The following LUZP2 variants were observed in gnomAD, a reference collection of about 807,000 sequenced individuals.
LUZP2 encodes the protein leucine zipper protein 2.
Under a neutral mutation model 51.6 loss-of-function variants are expected in LUZP2, and 52 were observed. That is an observed-to-expected ratio of 1.01 (90% CI 0.81 to 1.27). LUZP2 has a LOEUF of 1.27. Among genes scored for constraint, LUZP2 ranks in the 50% most tolerant of loss-of-function variants. The pLI is 0.00. For synonymous variants in LUZP2, 154 were observed against 137.3 expected, an observed-to-expected ratio of 1.12 and a Z score of -0.85; for missense variants, 436 against 395.4, an observed-to-expected ratio of 1.10 and a Z score of -0.87.
At chr11:24,599,416 G>C (rs754677598) in intron 1 of LUZP2, among the ~76,000 whole-genome samples, 8 of 152,006 alleles carry the variant, frequency 5.3e-5, no homozygotes, top group Non-Finnish European at 1.0e-4. Flanking sequence ...TGCTCAAGTA[G>C]AATTCCTTCA....
chr11:24,857,330 C>CAT lies in LUZP2; in HGVS notation c.397-48651_397-48650dup, dbSNP rs1491020463. 2.9e-3 allele frequency among the ~76,000 whole-genome samples: 201 copies of CAT among 70,390 alleles called. 1 individual carries two copies. The highest frequency in any genetic ancestry group is 9.7e-3 in the African/African-American group (183 of 18,956). The allele number at this position is 70,390 out of a possible 152,430, so 46.2% of individuals were successfully genotyped here. On this transcript the variant is annotated intron_variant, in intron 5 of 11. Coordinates refer to ENST00000336930, the MANE Select transcript of LUZP2 (RefSeq NM_001009909.4). ...ATATATATACACACACACACACACA[C>CAT]ATATATATATAATATATATGTTTTT... is the stretch of plus-strand genomic sequence containing the variant.
intron 1 of LUZP2, among the ~76,000 whole-genome samples, chr11:24,525,306 A>G (rs1044274416): frequency 2.6e-5 from 4 of 151,682 alleles, no homozygotes; most frequent in African/African-American, 9.7e-5. Flanking sequence ...CATTTTGTTT[A>G]CAAAGGTAGA....
At chr11:24,580,115 G>A (rs1053483827) in intron 1 of LUZP2, among the ~76,000 whole-genome samples, 1 of 151,970 alleles carries the variant, frequency 6.6e-6, no homozygotes, top group African/African-American at 2.4e-5. Flanking sequence ...CTGTTTAATA[G>A]GATTAAGATA....
intron 10 of LUZP2, among the ~76,000 whole-genome samples, chr11:25,066,991 G>A (rs560294216): frequency 6.6e-6 from 1 of 152,020 alleles, no homozygotes; most frequent in African/African-American, 2.4e-5. Context: ...ACTACAAAAG[G>A]TATTGTCCTT....
intron 9 of LUZP2, among the ~76,000 whole-genome samples, chr11:25,023,028 A>T (rs1857384850): frequency 1.3e-5 from 2 of 152,082 alleles, no homozygotes; most frequent in Non-Finnish European, 2.9e-5. Context: ...AAACTTTTTG[A>T]TATGCTGCTG....
chr11:24,916,050 T>A (rs1853779961), intron 7 of LUZP2, among the ~76,000 whole-genome samples: 4 of 152,056 alleles, frequency 2.6e-5, no homozygotes, highest in African/African-American at 4.8e-5. Flanking sequence ...ATGCTTGCTG[T>A]CAAAACATTT....
At chr11:24,552,638 A>G (rs950839006) in intron 1 of LUZP2, among the ~76,000 whole-genome samples, 2 of 152,014 alleles carry the variant, frequency 1.3e-5, no homozygotes, top group Non-Finnish European at 2.9e-5. Flanking sequence ...AGCTGGGTAT[A>G]AGAGCAATTC....
intron 9 of LUZP2, among the ~76,000 whole-genome samples, chr11:25,047,397 A>ATG (rs1554960545): frequency 4.5e-5 from 5 of 111,014 alleles, no homozygotes; most frequent in Admixed American, 1.7e-4. Flanking sequence ...ATTTTTTTTA[A>ATG]TTTTTTTTTT....
chr11:25,019,045 G>A (rs1164056902), intron 9 of LUZP2, among the ~76,000 whole-genome samples: 2 of 152,088 alleles, frequency 1.3e-5, no homozygotes, highest in African/African-American at 2.4e-5. Context: ...AACATTTTAC[G>A]CCAGAGTGGC....
intron 4 of LUZP2, among the ~76,000 whole-genome samples, chr11:24,744,181 C>T (rs560806673): frequency 6.6e-6 from 1 of 151,940 alleles, no homozygotes; most frequent in South Asian, 2.1e-4. Flanking sequence ...TTATTTTTGG[C>T]TATGTCCCTT....
intron 10 of LUZP2, among the ~76,000 whole-genome samples, chr11:25,075,247 G>A (rs1283805521): frequency 1.3e-5 from 2 of 152,086 alleles, no homozygotes; most frequent in Non-Finnish European, 2.9e-5. Flanking sequence ...TACTTAAAAA[G>A]TATTTAGAAT....
intron 7 of LUZP2, among the ~76,000 whole-genome samples, chr11:24,971,204 C>A (rs1565175149): frequency 6.6e-6 from 1 of 152,090 alleles, no homozygotes; most frequent in African/African-American, 2.4e-5. Flanking sequence ...ACCATTTTTC[C>A]ACGTACCTGA....
intron 1 of LUZP2, among the ~76,000 whole-genome samples, chr11:24,636,930 A>G (rs1283891528): frequency 8.6e-5 from 13 of 151,836 alleles, no homozygotes; most frequent in Admixed American, 6.6e-4. Context: ...ATAAAAAAAG[A>G]TGCTTCAATT....
intron 1 of LUZP2, among the ~76,000 whole-genome samples, chr11:24,559,198 T>C (rs544868326): frequency 6.6e-6 from 1 of 151,834 alleles, no homozygotes; most frequent in Admixed American, 6.6e-5. Context: ...TAAATAGAAA[T>C]AAAAAATAAG....
At chr11:24,828,705 T>G (rs1850613044) in intron 5 of LUZP2, among the ~76,000 whole-genome samples, 1 of 152,298 alleles carries the variant, frequency 6.6e-6, no homozygotes, top group South Asian at 2.1e-4. Context: ...TGTCCCAGTC[T>G]TATGTTCTGT....
At chr11:24,702,931 G>C (rs1000231242) in intron 1 of LUZP2, among the ~76,000 whole-genome samples, 1 of 152,068 alleles carries the variant, frequency 6.6e-6, no homozygotes, top group South Asian at 2.1e-4. Context: ...AACTTAAGAG[G>C]GATGTTAAAA....
chr11:25,025,601 T>A (rs1032100166), intron 9 of LUZP2, among the ~76,000 whole-genome samples: 1 of 152,150 alleles, frequency 6.6e-6, no homozygotes, highest in Non-Finnish European at 1.5e-5. Flanking sequence ...AGATACCATC[T>A]CACACCAGTT....
chr11:24,735,549 G>A (rs1858905011), intron 3 of LUZP2, among the ~76,000 whole-genome samples: 1 of 151,878 alleles, frequency 6.6e-6, no homozygotes, highest in Non-Finnish European at 1.5e-5. Context: ...AACAAAGCCT[G>A]GAATTGTGGC....
chr11:24,947,761 A>G (rs1183329273), intron 7 of LUZP2, among the ~76,000 whole-genome samples: 1 of 151,760 alleles, frequency 6.6e-6, no homozygotes, highest in Non-Finnish European at 1.5e-5. Context: ...TTATCCTTCA[A>G]TACTTTGAAT....
Sources: gnomAD v4.1 joint callset for allele counts (sites outside exome capture counted in the v4.1 genomes callset) on GRCh38, gnomAD v4.1.1 for gene constraint, MANE v1.5 for transcripts, NCBI Gene and HGNC (gene_info 2026-07-23, HGNC 2026-07-21) for gene names.